Variants in DGKZ observed in about 807,000 individuals in gnomAD.
DGKZ encodes the protein DAG kinase zeta.
Under a neutral mutation model 142.5 loss-of-function variants are expected in DGKZ, and 45 were observed. The observed-to-expected ratio is 0.32, with a 90% CI of 0.25 to 0.40. The LOEUF (loss-of-function observed/expected upper bound fraction) is 0.40, where lower values mean the gene tolerates loss of function less well. Ranked by LOEUF, DGKZ falls within the 10% of genes least tolerant of loss-of-function variation. DGKZ has a pLI of 1.00. For missense variants in DGKZ, 755 were observed against 1,306.5 expected, an observed-to-expected ratio of 0.58 and a Z score of 6.51; for synonymous variants, 442 against 527.0, an observed-to-expected ratio of 0.84 and a Z score of 2.21.
chr11:46,346,626 A>C (rs1940643418), upstream of DGKZ, among the ~76,000 whole-genome samples: 1 of 152,110 alleles, frequency 6.6e-6, no homozygotes, highest in South Asian at 2.1e-4. Flanking sequence ...TCCTGGGAGT[A>C]TTTGTATGTA....
chr11:46,345,506 C>T (rs370203659), upstream of DGKZ: 320 of 1,515,312 alleles, frequency 2.1e-4, no homozygotes, highest in Non-Finnish European at 2.4e-4. The surrounding 1 kb of genome is among the most constrained non-coding windows in gnomAD (Gnocchi z 4.1). Flanking sequence ...AGAAGGGGAG[C>T]GGCCGGGGTC....
rs1368073752 is a variant in DGKZ at position 46,370,266 on chromosome 11, T to C, written c.570+257T>C. Among the ~76,000 whole-genome samples, 9 of 152,244 alleles carry C rather than the reference T, an allele frequency of 5.9e-5. No homozygotes were observed. The East Asian group carries it at 1.7e-3, about 29-fold the overall frequency. ...CTGCTTTGAAGCTGCAAGTGGCCCT[T>C]TGGAGAATCGTATAGACTTACTCAT... On this transcript the variant is annotated intron_variant, in intron 6 of 30. Coordinates refer to ENST00000527911, the Ensembl canonical transcript of DGKZ.
intron 24 of DGKZ, 137 bp downstream of exon 24, chr11:46,376,701 G>A (rs1944585444): frequency 1.7e-6 from 2 of 1,206,202 alleles, no homozygotes; most frequent in African/African-American, 1.5e-5. Flanking sequence ...ACTATTGCCT[G>A]TGTGCATGGA....
At chr11:46,379,604 C>A (rs1289175003) in intron 30 of DGKZ, 36 bp downstream of exon 30, 1 of 1,550,948 alleles carries the variant, frequency 6.4e-7, no homozygotes, top group South Asian at 1.2e-5. Context: ...CACGAGGGCA[C>A]CAACCAAACC....
chr11:46,378,880 C>A, intron 27 of DGKZ, 111 bp from the exon 28 acceptor site: 1 of 1,438,666 alleles, frequency 7.0e-7, no homozygotes, highest in African/African-American at 1.4e-5. Flanking sequence ...GATGTGTGAG[C>A]GCACTCGTTT....
rs1158317041 is a variant in DGKZ at position 46,379,459 on chromosome 11, G to T, written c.2579G>T (p.Cys860Phe). Residue 860 changes from cysteine (C) to phenylalanine (F), a missense_variant, in exon 30 of 31, where the codon TGC becomes TTC. Cys to Phe is a radical substitution (Grantham distance 205). Around this residue, in one of 8 missense-constraint regions of DGKZ, gnomAD observed 100 missense variants for 87.7 expected, o/e 1.14. Transcript: ENST00000527911. Reference sequence around the variant, plus strand: ...GGGATGGGGTACACAGCCAGCCCCTGCTCCCCCAGCGGGGAGACCTGTTTG... The same window carrying T: ...GGGATGGGGTACACAGCCAGCCCCTTCTCCCCCAGCGGGGAGACCTGTTTG... The T allele has an allele frequency of 7.5e-6, 12 of 1,606,178 alleles. No homozygotes were observed. The highest frequency in any genetic ancestry group is 9.3e-6 in the Non-Finnish European group (11 of 1,176,868).
intron 14 of DGKZ, 130 bp downstream of exon 14, chr11:46,373,231 T>C (rs1001102894): frequency 5.8e-6 from 6 of 1,040,970 alleles, no homozygotes; most frequent in Non-Finnish European, 8.0e-6. Context: ...CCTTGTACGA[T>C]GGGAATAATA....
chr11:46,373,243 T>C (rs558889845), intron 14 of DGKZ, 142 bp downstream of exon 14: 7 of 848,134 alleles, frequency 8.3e-6, no homozygotes, highest in South Asian at 2.6e-5. Flanking sequence ...GGAATAATAG[T>C]ACTTGCCTCA....
intron 6 of DGKZ, 86 bp from the exon 7 acceptor site, chr11:46,371,214 AGGCCCTGTCTCTG>A: frequency 8.6e-7 from 1 of 1,166,096 alleles, no homozygotes; most frequent in South Asian, 1.4e-5. Context: ...CAACATAGCG[AGGCCCTGTCTCTG>A]GGTGGAGAGA....
intron 1 of DGKZ, among the ~76,000 whole-genome samples, chr11:46,359,706 C>T (rs1182342920): frequency 2.0e-5 from 3 of 151,652 alleles, no homozygotes; most frequent in Non-Finnish European, 2.9e-5. Context: ...CAGGTTCAAG[C>T]GATTCTCCTG....
At position 46,375,486 on chromosome 11, in the gene DGKZ, G is replaced by C. The variant is rs369196316; in HGVS notation, c.1765G>C (p.Val589Leu). Residue 589 changes from valine to leucine, a missense_variant, in exon 20 of 31, where the codon GTG (valine) becomes CTG (leucine). By Grantham distance (32) the Val-to-Leu change is conservative. Around this residue, in one of 8 missense-constraint regions of DGKZ, gnomAD observed 191 missense variants for 472.1 expected, o/e 0.40. Coordinates refer to ENST00000527911, the Ensembl canonical transcript of DGKZ. ...GCGGCTGACGCAGTGTCGCGAGGTG[G>C]TGCTCACCACATCCAAGGCCATCCC... The C allele has an allele frequency of 2.1e-4, 331 of 1,587,980 alleles. No individual in the cohort carries two copies. Among genetic ancestry groups the C allele is most frequent in the Non-Finnish European group, 2.6e-4 (306 of 1,173,476 alleles).
At chr11:46,346,176 G>A (rs532549512), upstream of DGKZ, among the ~76,000 whole-genome samples, 241 of 152,320 alleles carry the variant, frequency 1.6e-3, 1 homozygote, top group African/African-American at 5.3e-3. Flanking sequence ...AGGCTTGTCC[G>A]CAGGTCACAG....
intron 1 of DGKZ, among the ~76,000 whole-genome samples, chr11:46,359,398 T>C (rs1660916625): frequency 6.6e-6 from 1 of 151,816 alleles, no homozygotes; most frequent in South Asian, 2.1e-4. Flanking sequence ...TGAGCTGAGA[T>C]TGCGCCATTG....
At chr11:46,359,044 G>A (rs1485666245) in intron 1 of DGKZ, among the ~76,000 whole-genome samples, 1 of 151,998 alleles carries the variant, frequency 6.6e-6, no homozygotes, top group East Asian at 1.9e-4. Flanking sequence ...TCGGGAGGCT[G>A]AGGCAGGAGA....
At chr11:46,375,192 C>A in intron 19 of DGKZ, 147 bp downstream of exon 19, 1 of 857,396 alleles carries the variant, frequency 1.2e-6, no homozygotes, top group Non-Finnish European at 1.8e-6. Context: ...GCGGCACCTA[C>A]CCCCTCTCCT....
intron 1 of DGKZ, among the ~76,000 whole-genome samples, chr11:46,356,211 G>A (rs1247795153): frequency 6.6e-6 from 1 of 152,162 alleles, no homozygotes; most frequent in Non-Finnish European, 1.5e-5. Context: ...GAGGCTAAGG[G>A]AGATATATTG....
chr11:46,352,403 A>G (rs1590425991), intron 1 of DGKZ, among the ~76,000 whole-genome samples: 1 of 152,142 alleles, frequency 6.6e-6, no homozygotes, highest in Admixed American at 6.5e-5. Context: ...GCTGGAAGTT[A>G]CCTGCAGCTC....
intron 1 of DGKZ, among the ~76,000 whole-genome samples, chr11:46,361,236 G>T (rs1250205673): frequency 6.6e-6 from 1 of 152,236 alleles, no homozygotes; most frequent in Admixed American, 6.5e-5. Flanking sequence ...AAGGCATTAG[G>T]TGGCTAAATA....
chr11:46,344,204 C>T (rs1940421580), upstream of DGKZ, among the ~76,000 whole-genome samples: 1 of 152,018 alleles, frequency 6.6e-6, no homozygotes, highest in Non-Finnish European at 1.5e-5. Flanking sequence ...CCAGCCTCAG[C>T]CTCCCAATCT....
Sources: allele counts gnomAD v4.1 joint callset (sites outside exome capture counted in the v4.1 genomes callset), GRCh38; gene constraint gnomAD v4.1.1; regional missense constraint gnomAD v4.1.1; non-coding constraint Gnocchi (gnomAD v3.1); transcripts MANE v1.5; gene names NCBI Gene and HGNC (gene_info 2026-07-23, HGNC 2026-07-21).